ZNF695: variants seen among roughly 807,000 people sequenced by gnomAD.
The protein encoded by ZNF695 is zinc finger protein 695.
In ZNF695, 11 loss-of-function variants were observed where a neutral mutation model predicts 11.2. That is an observed-to-expected ratio of 0.98 (90% CI 0.62 to 1.62). The LOEUF (loss-of-function observed/expected upper bound fraction) is 1.62, where lower values mean the gene tolerates loss of function less well. Among genes scored for constraint, ZNF695 ranks in the 40% most tolerant of loss-of-function variants. The pLI is 0.00. For synonymous variants in ZNF695, 190 were observed against 201.4 expected, an observed-to-expected ratio of 0.94 and a Z score of 0.48; for missense variants, 559 against 590.5, an observed-to-expected ratio of 0.95 and a Z score of 0.55.
chr1:246,973,755 TA>T (rs1218843519), intron 4 of ZNF695, among the ~76,000 whole-genome samples: 2 of 152,224 alleles, frequency 1.3e-5, no homozygotes, highest in Non-Finnish European at 2.9e-5. Context: ...TCAGAGGGGT[TA>T]AAAACATATC....
At chr1:247,007,784 G>T in intron 1 of ZNF695, 122 bp downstream of exon 1, 1 of 1,192,784 alleles carries the variant, frequency 8.4e-7, no homozygotes, top group Non-Finnish European at 1.1e-6. Flanking sequence ...AGCGGGACTC[G>T]GCCGCACACT....
At chr1:246,988,661 T>A (rs1266534382) in intron 3 of ZNF695, among the ~76,000 whole-genome samples, 1 of 152,174 alleles carries the variant, frequency 6.6e-6, no homozygotes. Flanking sequence ...AGGTATTTCA[T>A]CAATACCAGA....
intron 4 of ZNF695, among the ~76,000 whole-genome samples, chr1:246,970,297 T>C (rs1668393155): frequency 6.6e-6 from 1 of 152,110 alleles, no homozygotes; most frequent in Admixed American, 6.5e-5. Flanking sequence ...CTGTAGGTAG[T>C]GTAAAGTGTG....
At chr1:246,984,185 G>C (rs1454137511), downstream of ZNF695, among the ~76,000 whole-genome samples, 1 of 135,430 alleles carries the variant, frequency 7.4e-6, no homozygotes, top group African/African-American at 2.7e-5. Context: ...AAGAAAAAGA[G>C]AAAGTCCAAA....
chr1:246,949,841 A>G (rs1667829045), intron 5 of ZNF695, among the ~76,000 whole-genome samples: 1 of 152,196 alleles, frequency 6.6e-6, no homozygotes, highest in Admixed American at 6.5e-5. Flanking sequence ...TAGTATAACC[A>G]TCAATTACAT....
At chr1:246,998,652 T>C (rs1306572535) in intron 3 of ZNF695, among the ~76,000 whole-genome samples, 1 of 152,190 alleles carries the variant, frequency 6.6e-6, no homozygotes, top group African/African-American at 2.4e-5. Flanking sequence ...ATGTTCCACA[T>C]GCAATGCAAA....
chr1:246,995,881 G>C (rs1458907067), intron 3 of ZNF695: 3 of 250,892 alleles, frequency 1.2e-5, no homozygotes, highest in East Asian at 1.6e-4. Flanking sequence ...CATAAAGGCA[G>C]ACAGTTAGGT....
At chr1:246,949,607 A>C (rs1667823423) in intron 5 of ZNF695, among the ~76,000 whole-genome samples, 1 of 151,826 alleles carries the variant, frequency 6.6e-6, no homozygotes, top group South Asian at 2.1e-4. Context: ...AAAGAAAAAA[A>C]AAAAAAGAGC....
At chr1:246,970,370 A>G (rs1668395566) in intron 4 of ZNF695, among the ~76,000 whole-genome samples, 1 of 152,182 alleles carries the variant, frequency 6.6e-6, no homozygotes, top group Admixed American at 6.5e-5. Context: ...GTCTGCAGGC[A>G]ATTTTCGAGT....
rs1170607423 is a variant in ZNF695 at position 246,978,899 on chromosome 1, A to G, written c.390+9226T>C. Among the ~76,000 whole-genome samples, 14 of 152,214 alleles carry G rather than the reference A, an allele frequency of 9.2e-5. No individual in the cohort carries two copies. The South Asian group carries it at 2.1e-3, about 23-fold the overall frequency. ...GCTGCCCAGTATGATGATGTTCTCC[A>G]GTGAAGACAGTGGCCCGCGTGAGAT... is the stretch of plus-strand genomic sequence containing the variant. On this transcript the variant is annotated intron_variant, in intron 4 of 5. Coordinates refer to the ZNF695 transcript ENST00000487338.
In ZNF695 at chr1:246,999,350, G is replaced by C; in HGVS notation, c.257C>G (p.Ser86Ter). 6.2e-7 allele frequency: 1 copy of C among 1,611,956 alleles called. No homozygotes were observed. Among genetic ancestry groups the C allele is most frequent in the South Asian group, 1.1e-5 (1 of 91,046 alleles). Residue 86 changes from serine (S) to a stop codon, truncating the protein, a stop_gained and splice_region_variant, in exon 3 of 4, where the codon TCA (serine) becomes TGA (stop). Transcript: ENST00000339986. LOFTEE classifies it low-confidence loss of function (END_TRUNC). ...NVNTEKTARH[S>*]VLSSYLTEDI... The stretch of plus-strand genomic sequence containing the variant: ...TCGCTTCATTCACTCCCACCTACCT[G>C]AGTGTCTGGCTGTCTTCTCTGTGTT...
Position 246,987,036 on chromosome 1 carries a change from C to G in ZNF695, c.1479G>C (p.Lys493Asn). ...TAAAGGCTTTGCCACATTCCTCACA[C>G]TTGTATGGTTTCTCTCTGGTATGAA... ...KTIHTREKPY[K>N]CEECGKAFNH... Residue 493 changes from lysine (K) to asparagine (N), a missense_variant, in exon 4 of 4, where the codon AAG becomes AAC. By Grantham distance (94) the Lys-to-Asn change is moderately conservative (BLOSUM62 0). Coordinates refer to ENST00000339986, the MANE Select transcript of ZNF695 (RefSeq NM_020394.5). 1.2e-6 allele frequency: 2 copies of G among 1,611,206 alleles called. No homozygotes were observed. The highest frequency in any genetic ancestry group is 8.5e-7 in the Non-Finnish European group (1 of 1,178,994).
chr1:246,975,798 C>G (rs1668542791), intron 4 of ZNF695, among the ~76,000 whole-genome samples: 1 of 151,832 alleles, frequency 6.6e-6, no homozygotes, highest in Non-Finnish European at 1.5e-5. Context: ...GGGAATTAAG[C>G]CAAGTGAAAG....
At chr1:247,007,459 G>T (rs1240006659) in intron 1 of ZNF695, among the ~76,000 whole-genome samples, 1 of 120,046 alleles carries the variant, frequency 8.3e-6, no homozygotes, top group Admixed American at 1.2e-4. Context: ...TCGAGCCACC[G>T]AACTCCAGCC....
intron 5 of ZNF695, among the ~76,000 whole-genome samples, chr1:246,946,333 TTTGCCTGTTC>T (rs775287924): frequency 4.6e-4 from 70 of 152,226 alleles, no homozygotes; most frequent in Non-Finnish European, 8.8e-4. Flanking sequence ...TTCCAAAGCC[TTTGCCTGTTC>T]TTGCCTTGCC....
intron 3 of ZNF695, among the ~76,000 whole-genome samples, chr1:246,989,169 G>T (rs907296479): frequency 6.6e-6 from 1 of 152,082 alleles, no homozygotes; most frequent in South Asian, 2.1e-4. Context: ...GGAGGCTGAG[G>T]CAGGAGAATC....
chr1:246,980,394 CTA>C (rs1227550370), downstream of ZNF695, among the ~76,000 whole-genome samples: 1 of 146,546 alleles, frequency 6.8e-6, no homozygotes, highest in Non-Finnish European at 1.5e-5. Context: ...AATATGCAAA[CTA>C]TAAGATTTGC....
chr1:246,989,069 G>A (rs1432204556), intron 3 of ZNF695, among the ~76,000 whole-genome samples: 2 of 151,484 alleles, frequency 1.3e-5, no homozygotes, highest in East Asian at 3.9e-4. Context: ...ACTCCAGCCT[G>A]GGCAACAGAG....
intron 3 of ZNF695, among the ~76,000 whole-genome samples, chr1:246,994,628 G>A (rs574400267): frequency 5.3e-5 from 8 of 152,096 alleles, no homozygotes; most frequent in Admixed American, 2.6e-4. Flanking sequence ...ACGAGGTCAG[G>A]AGATAGAGAC....
Sources: allele counts gnomAD v4.1 joint callset (sites outside exome capture counted in the v4.1 genomes callset), GRCh38; gene constraint gnomAD v4.1.1; transcripts MANE v1.5; gene names NCBI Gene and HGNC (gene_info 2026-07-23, HGNC 2026-07-21).